Variants in LMO1 observed in about 807,000 individuals in gnomAD.
The protein encoded by LMO1 is LIM domain only 1, also known as rhombotin-1.
Under a neutral mutation model 18.0 loss-of-function variants are expected in LMO1, and 10 were observed. The observed-to-expected ratio is 0.55, with a 90% CI of 0.34 to 0.94. The LOEUF (loss-of-function observed/expected upper bound fraction) is 0.94. Among genes scored for constraint, LMO1 ranks in the 40% least tolerant of loss-of-function variants. The pLI, the probability that LMO1 is intolerant of heterozygous loss-of-function variation, is 0.02. For synonymous variants in LMO1, 77 were observed against 77.9 expected (o/e 0.99, Z 0.06); for missense variants, 183 against 205.7 (o/e 0.89, Z 0.68).
Position 8,263,453 on chromosome 11 carries a change from G to C in LMO1, c.-91C>G. 6.4e-7 allele frequency: 1 copy of C among 1,558,292 alleles called. No homozygotes were observed. Among genetic ancestry groups the C allele is most frequent in the Non-Finnish European group, 8.6e-7 (1 of 1,160,402 alleles). ...CTTTGGAGGGGCGGCCGGTCTTCGG[G>C]CAGCTAGCGGGCTCTAATTACCCGC... On this transcript the variant is annotated 5_prime_UTR_variant, in exon 1 of 4. Coordinates refer to ENST00000335790, the MANE Select transcript of LMO1 (RefSeq NM_002315.3).
At chr11:8,245,617 A>T (rs1846881026) in intron 1 of LMO1, among the ~76,000 whole-genome samples, 1 of 152,164 alleles carries the variant, frequency 6.6e-6, no homozygotes, top group African/African-American at 2.4e-5. Context: ...CCAGGATCTC[A>T]CTGGGGAAGT....
chr11:8,238,876 A>G (rs1010529682), intron 1 of LMO1, among the ~76,000 whole-genome samples: 1 of 152,154 alleles, frequency 6.6e-6, no homozygotes, highest in African/African-American at 2.4e-5. Flanking sequence ...TGTGATACCC[A>G]ATTTAAAAAC....
rs1847227369 is a variant in LMO1, at chr11:8,263,571, T to C, written c.-209A>G. The C allele has an allele frequency of 7.3e-7, 1 of 1,371,416 alleles. No homozygotes were observed. The highest frequency in any genetic ancestry group is 9.4e-7 in the Non-Finnish European group (1 of 1,065,870). The allele number at this position is 1,371,416 out of a possible 1,614,324, so 85.0% of individuals were successfully genotyped here. On this transcript the variant is annotated 5_prime_UTR_variant, in exon 1 of 4. Coordinates refer to ENST00000335790, the MANE Select transcript of LMO1 (RefSeq NM_002315.3). Reference sequence around the variant, plus strand: ...ACAAAAGCAGTCTCACCTACTTTTGTGCCTCAGAATTGGAAGGAACTACGA... The same window carrying C: ...ACAAAAGCAGTCTCACCTACTTTTGCGCCTCAGAATTGGAAGGAACTACGA...
At position 8,230,499 on chromosome 11, in the gene LMO1, G is replaced by C. The variant is rs1416504530; in HGVS notation, c.31C>G (p.Pro11Ala). 6.2e-7 allele frequency: 1 copy of C among 1,611,306 alleles called. No individual in the cohort carries two copies. The highest frequency in any genetic ancestry group is 8.5e-7 in the Non-Finnish European group (1 of 1,179,860). MMVLDKEDGV[P>A]MLSVQPKGKQ... is the part of the protein sequence containing the mutation. ...CCTTTGGGCTGGACGGAGAGCATCGGCACGCCTGCAGACGGACAGACAGAC... is the reference window on the plus strand; with the variant it reads ...CCTTTGGGCTGGACGGAGAGCATCGCCACGCCTGCAGACGGACAGACAGAC... Residue 11 changes from proline to alanine, a missense_variant, in exon 2 of 4, where the codon CCG (proline) becomes GCG (alanine). Coordinates refer to ENST00000335790, the MANE Select transcript of LMO1 (RefSeq NM_002315.3).
chr11:8,252,568 T>C (rs1847019753), intron 1 of LMO1, among the ~76,000 whole-genome samples: 1 of 152,276 alleles, frequency 6.6e-6, no homozygotes, highest in South Asian at 2.1e-4. Flanking sequence ...CTGTGATTCA[T>C]AGACAGACTT....
At chr11:8,261,125 A>AT (rs1232849095) in intron 1 of LMO1, among the ~76,000 whole-genome samples, 2 of 152,080 alleles carry the variant, frequency 1.3e-5, no homozygotes, top group Admixed American at 6.5e-5. Flanking sequence ...AAAGACAGCT[A>AT]TGGGCTGGGT....
chr11:8,266,612 G>T (rs772810918), upstream of LMO1, among the ~76,000 whole-genome samples: 14 of 152,244 alleles, frequency 9.2e-5, no homozygotes, highest in Non-Finnish European at 1.8e-4. Context: ...GAGAAAGTGG[G>T]TGCTACTGGC....
chr11:8,230,820 C>T lies in LMO1; in HGVS notation c.26-316G>A, dbSNP rs144321350. 4.4e-3 allele frequency among the ~76,000 whole-genome samples: 676 copies of T among 152,312 alleles called. 6 individuals carry two copies. The highest frequency in any genetic ancestry group is 0.015 in the African/African-American group (639 of 41,576). On this transcript the variant is annotated intron_variant, in intron 1 of 3. Coordinates refer to ENST00000335790, the MANE Select transcript of LMO1 (RefSeq NM_002315.3). ...CCTACCATGGCCTCTATCCCCTGTG[C>T]GGTCTCATCCGGAGTAAGCCTGAAG...
chr11:8,268,318 T>C, upstream of LMO1: 1 of 945,392 alleles, frequency 1.1e-6, no homozygotes, highest in Non-Finnish European at 1.5e-6. Flanking sequence ...CCGCGGGTGC[T>C]GAGGGCTCTG....
intron 1 of LMO1, among the ~76,000 whole-genome samples, chr11:8,244,699 A>G (rs1846865180): frequency 1.3e-5 from 2 of 152,214 alleles, no homozygotes; most frequent in Admixed American, 1.3e-4. Context: ...CCCCCCTCTC[A>G]GGCATCTGCA....
At chr11:8,240,944 T>C (rs897189370) in intron 1 of LMO1, among the ~76,000 whole-genome samples, 8 of 152,104 alleles carry the variant, frequency 5.3e-5, no homozygotes, top group African/African-American at 1.9e-4. Context: ...TTTAGAAACA[T>C]CAGAAGCTGC....
rs1029365551 is a variant in LMO1, at chr11:8,263,594, C to T, written c.-232G>A. On this transcript the variant is annotated 5_prime_UTR_variant, in exon 1 of 4. Coordinates refer to ENST00000335790, the MANE Select transcript of LMO1 (RefSeq NM_002315.3). ...TGTGCCTCAGAATTGGAAGGAACTA[C>T]GAACTGCAATTTAGAGAGAGAGGGA... The T allele has an allele frequency of 7.3e-6, 10 of 1,365,546 alleles. No individual in the cohort carries two copies. In the East Asian group the frequency reaches 2.1e-4, roughly 28 times the overall value. The allele number at this position is 1,365,546 out of a possible 1,614,324, so 84.6% of individuals were successfully genotyped here.
chr11:8,265,010 T>C (rs1254934156), upstream of LMO1, among the ~76,000 whole-genome samples: 1 of 152,222 alleles, frequency 6.6e-6, no homozygotes, highest in Non-Finnish European at 1.5e-5. Context: ...ATAGAAATAA[T>C]GATTTTTCTT....
In LMO1 at chr11:8,224,779, G is replaced by GGA. The variant is rs1024260204; in HGVS notation, c.366-59_366-58insTC. 66 of 1,153,108 alleles carry GGA rather than the reference G, an allele frequency of 5.7e-5. No individual in the cohort carries two copies. In the African/African-American group the frequency reaches 8.4e-4, roughly 15 times the overall value. 71.4% of individuals were successfully genotyped at this position (1,153,108 alleles called of 1,614,324 possible). A position where few individuals can be genotyped will look rare whatever the true frequency, so the allele number is the denominator to read the frequency against. On this transcript the variant is annotated intron_variant, in intron 3 of 3. Coordinates refer to ENST00000335790, the MANE Select transcript of LMO1 (RefSeq NM_002315.3). ...GGAAGGTCCCAGTGGGTAAGGGGGG[G>GGA]GCTGCAGACAGAAGCCGGCCTGGCC...
intron 1 of LMO1, among the ~76,000 whole-genome samples, chr11:8,258,700 A>G (rs1847137950): frequency 6.6e-6 from 1 of 152,228 alleles, no homozygotes; most frequent in African/African-American, 2.4e-5. Flanking sequence ...GGTGGGGGTA[A>G]GGAATCAATT....
At chr11:8,232,476 T>C (rs1053275078) in intron 1 of LMO1, among the ~76,000 whole-genome samples, 4 of 151,924 alleles carry the variant, frequency 2.6e-5, no homozygotes, top group Non-Finnish European at 5.9e-5. Flanking sequence ...AATAGCTGGA[T>C]GGGGAAATGA....
chr11:8,258,677 CAG>C (rs1400265324), intron 1 of LMO1, among the ~76,000 whole-genome samples: 2 of 152,162 alleles, frequency 1.3e-5, no homozygotes, highest in Non-Finnish European at 2.9e-5. Flanking sequence ...CTCTGAGACA[CAG>C]GGTGACACAG....
rs111444507 is a variant in LMO1 at position 8,242,042 on chromosome 11, G to A, written c.26-11538C>T. 7.4e-3 allele frequency among the ~76,000 whole-genome samples: 1,116 copies of A among 151,624 alleles called. 10 individuals are homozygous for A. Among genetic ancestry groups the A allele is most frequent in the Non-Finnish European group, 0.013 (878 of 67,978 alleles). The stretch of plus-strand genomic sequence containing the variant: ...CAGATAGGCAGGGCCCCTAGAGATG[G>A]AGCCTTAATCAGGCTTGTTGCTGCC... On this transcript the variant is annotated intron_variant, in intron 1 of 3. Transcript: ENST00000335790.
chr11:8,230,244 T>C (rs1288641421), intron 2 of LMO1, 47 bp downstream of exon 2: 1 of 1,572,600 alleles, frequency 6.4e-7, no homozygotes, highest in Non-Finnish European at 8.7e-7. Flanking sequence ...GATGGGGAGC[T>C]TTCTGAGCAG....
Sources: allele counts gnomAD v4.1 joint callset (sites outside exome capture counted in the v4.1 genomes callset), GRCh38; gene constraint gnomAD v4.1.1; transcripts MANE v1.5; gene names NCBI Gene and HGNC (gene_info 2026-07-23, HGNC 2026-07-21).